The following RTL4 variants were observed in gnomAD, a reference collection of about 807,000 sequenced individuals.
RTL4 encodes the protein retrotransposon Gag-like protein 4.
Under a neutral mutation model 5.3 loss-of-function variants are expected in RTL4, and 4 were observed. The ratio of observed to expected loss-of-function variants is 0.75; its 90% CI spans 0.37 to 1.72. RTL4 has a LOEUF of 1.72. RTL4 is among the 40% of genes most tolerant of loss of function. RTL4 has a pLI of 0.04. For missense variants in RTL4, 260 were observed against 227.1 expected (o/e 1.14, Z -0.93); for synonymous variants, 98 against 87.3 (o/e 1.12, Z -0.68).
the RTL4 span, among the ~76,000 whole-genome samples, chrX:112,294,034 AAG>A: frequency 1.8e-5 from 2 of 112,143 alleles, no homozygotes; most frequent in African/African-American, 3.2e-5. Flanking sequence ...ACCTGTCTAG[AAG>A]AGGTCTTCCA....
chrX:112,291,803 G>A, the RTL4 span, among the ~76,000 whole-genome samples: 3 of 110,575 alleles, frequency 2.7e-5, no homozygotes, highest in Non-Finnish European at 5.7e-5. Context: ...CACCATGTTA[G>A]CCAGGATGGT....
chrX:112,324,174 A>T, the RTL4 span, among the ~76,000 whole-genome samples: 2 of 112,401 alleles, frequency 1.8e-5, no homozygotes, highest in African/African-American at 6.5e-5. Context: ...TATAAATAGA[A>T]TCATACAATA....
chrX:112,297,622 T>C, the RTL4 span, among the ~76,000 whole-genome samples: 1 of 111,325 alleles, frequency 9.0e-6, no homozygotes, highest in African/African-American at 3.3e-5. Flanking sequence ...AGCATGAGAT[T>C]TGGGTGGGGG....
chrX:112,262,146 G>T, the RTL4 span, among the ~76,000 whole-genome samples: 6 of 112,113 alleles, frequency 5.4e-5, no homozygotes, highest in African/African-American at 1.9e-4. Flanking sequence ...AGGACTTCAT[G>T]TCTAAAACAC....
chrX:112,163,881 G>T, the RTL4 span, among the ~76,000 whole-genome samples: 1 of 111,575 alleles, frequency 9.0e-6, no homozygotes, highest in Non-Finnish European at 1.9e-5. Context: ...CCCACTCTGA[G>T]GTTTTAATCT....
the RTL4 span, among the ~76,000 whole-genome samples, chrX:112,204,947 C>A: frequency 9.0e-6 from 1 of 111,015 alleles, no homozygotes; most frequent in Non-Finnish European, 1.9e-5. Context: ...TATGTACGCA[C>A]AACTTAAAAA....
chrX:112,178,866 AGAG>A, the RTL4 span, among the ~76,000 whole-genome samples: 1 of 111,849 alleles, frequency 8.9e-6, no homozygotes, highest in Non-Finnish European at 1.9e-5. Context: ...CACGACACAC[AGAG>A]GGAGCAAAAA....
At chrX:112,275,549 C>T in the RTL4 span, among the ~76,000 whole-genome samples, 3 of 111,926 alleles carry the variant, frequency 2.7e-5, no homozygotes, top group South Asian at 1.1e-3. Context: ...CTTAAATTTT[C>T]TGTGTATCAA....
At chrX:112,391,346 G>A in the RTL4 span, among the ~76,000 whole-genome samples, 1 of 111,124 alleles carries the variant, frequency 9.0e-6, no homozygotes, top group African/African-American at 3.3e-5. Flanking sequence ...TTAAGAACTC[G>A]GTGGAGAACT....
At chrX:112,351,439 G>A in the RTL4 span, among the ~76,000 whole-genome samples, 4 of 109,245 alleles carry the variant, frequency 3.7e-5, no homozygotes, top group Non-Finnish European at 5.7e-5. Flanking sequence ...TTTCTGTCTC[G>A]TTGATCTGTC....
the RTL4 span, among the ~76,000 whole-genome samples, chrX:112,388,962 T>C: frequency 8.9e-6 from 1 of 111,827 alleles, no homozygotes; most frequent in Middle Eastern, 4.6e-3. Flanking sequence ...CTCCTCAATT[T>C]TTTGAAATAA....
the RTL4 span, among the ~76,000 whole-genome samples, chrX:112,270,525 A>G: frequency 1.8e-5 from 2 of 111,906 alleles, no homozygotes; most frequent in Non-Finnish European, 3.8e-5. Context: ...GATGTAGGAC[A>G]GGTAAACTTT....
chrX:112,309,912 A>T, the RTL4 span, among the ~76,000 whole-genome samples: 2 of 104,206 alleles, frequency 1.9e-5, no homozygotes, highest in Admixed American at 2.1e-4. Flanking sequence ...GTGTGTGTGT[A>T]TATATATATG....
the RTL4 span, among the ~76,000 whole-genome samples, chrX:112,102,912 A>G: frequency 8.9e-6 from 1 of 112,183 alleles, no homozygotes; most frequent in African/African-American, 3.2e-5. Flanking sequence ...AATGGCTATT[A>G]TTAAGAAGTC....
the RTL4 span, among the ~76,000 whole-genome samples, chrX:112,303,773 TA>T: frequency 2.1e-4 from 22 of 103,932 alleles, no homozygotes; most frequent in Non-Finnish European, 3.0e-4. Flanking sequence ...TAAAAAAAAT[TA>T]AAAAAAAAGA....
chrX:112,454,110 A>G (rs1204180031), upstream of RTL4, among the ~76,000 whole-genome samples: 1 of 112,077 alleles, frequency 8.9e-6, no homozygotes, highest in Non-Finnish European at 1.9e-5. Flanking sequence ...CTGATGGAAA[A>G]AAGATACTTT....
At chrX:112,371,949 T>C in the RTL4 span, among the ~76,000 whole-genome samples, 1 of 112,369 alleles carries the variant, frequency 8.9e-6, no homozygotes, top group African/African-American at 3.2e-5. Context: ...ATAACTAATA[T>C]GTTTTTAATT....
the RTL4 span, among the ~76,000 whole-genome samples, chrX:112,425,142 C>G: frequency 3.6e-5 from 4 of 111,372 alleles, no homozygotes; most frequent in African/African-American, 1.3e-4. Flanking sequence ...TTCTCTGTAC[C>G]TTTGCCTTTT....
chrX:112,096,941 CTAA>C, the RTL4 span, among the ~76,000 whole-genome samples: 9 of 112,126 alleles, frequency 8.0e-5, no homozygotes, highest in African/African-American at 2.9e-4. Context: ...TGAGGTGATT[CTAA>C]TAATAGAATG....
Sources: allele counts gnomAD v4.1 joint callset (sites outside exome capture counted in the v4.1 genomes callset), GRCh38; gene constraint gnomAD v4.1.1; transcripts MANE v1.5; gene names NCBI Gene and HGNC (gene_info 2026-07-23, HGNC 2026-07-21).